Variants in MCM4 observed in about 807,000 individuals in gnomAD.
The protein encoded by MCM4 is minichromosome maintenance complex component 4.
A neutral mutation model predicts 88.7 loss-of-function variants in MCM4; 60 were observed. The observed-to-expected ratio is 0.68, with a 90% CI of 0.55 to 0.84. MCM4 has a LOEUF of 0.84. Ranked by LOEUF, MCM4 falls within the 40% of genes least tolerant of loss-of-function variation. The pLI, the probability that MCM4 is intolerant of heterozygous loss-of-function variation, is 0.00. For synonymous variants in MCM4, 465 were observed against 410.5 expected (o/e 1.13, Z -1.61); for missense variants, 1,149 against 1,105.5 (o/e 1.04, Z -0.56).
In MCM4 at chr8:47,964,647, A is replaced by C. The variant is rs776535379; in HGVS notation, c.767A>C (p.His256Pro). ...CGTTACCCTGACTCAATCTTAGAAC[A>C]TCAGATTCAAGTAAGACCATTCAAC... is the stretch of plus-strand genomic sequence containing the variant. ...FDRYPDSILE[H>P]QIQVRPFNAL... is the part of the protein sequence containing the mutation. Residue 256 changes from histidine (H) to proline (P), a missense_variant, in exon 8 of 17, where the codon CAT (histidine) becomes CCT (proline). His to Pro is a moderately conservative substitution (Grantham distance 77). Coordinates refer to ENST00000649973, the MANE Select transcript of MCM4 (RefSeq NM_182746.3). The C allele has an allele frequency of 6.2e-7, 1 of 1,607,520 alleles. No individual in the cohort carries two copies. The highest frequency in any genetic ancestry group is 1.1e-5 in the South Asian group (1 of 89,516).
Position 47,971,460 on chromosome 8 carries a change from ATT to A in MCM4, c.1921_1922del (p.Leu641IlefsTer4). Reference sequence around the variant, plus strand: ...AAAACATCCAGCTGCCTCATACTTTATTATCAAGGTATTAAAACAGATTTTTA... The same window carrying A: ...AAAACATCCAGCTGCCTCATACTTTAATCAAGGTATTAAAACAGATTTTTA... ...IENIQLPHTLLSRFDLIFLLL... is the reference protein window; with the variant it reads ...IENIQLPHTLXSRFDLIFLLL... On this transcript the variant is annotated frameshift_variant, in exon 13 of 17. Coordinates refer to ENST00000649973, the MANE Select transcript of MCM4 (RefSeq NM_182746.3). LOFTEE classifies it high-confidence loss of function. 6.2e-7 allele frequency: 1 copy of A among 1,614,020 alleles called. No homozygotes were observed. Among genetic ancestry groups the A allele is most frequent in the Non-Finnish European group, 8.5e-7 (1 of 1,179,892 alleles).
chr8:47,961,734 A>ATCTGC (rs1251065694), intron 3 of MCM4, 54 bp downstream of exon 3: 59 of 1,550,402 alleles, frequency 3.8e-5, no homozygotes, highest in Non-Finnish European at 4.6e-5. Context: ...CTGATGCTTT[A>ATCTGC]TCTGCTCAGG....
intron 16 of MCM4, 99 bp downstream of exon 16, chr8:47,975,947 G>A (rs2090997286): frequency 1.2e-6 from 1 of 845,826 alleles, no homozygotes; most frequent in Non-Finnish European, 1.6e-6. Context: ...AATAAATATA[G>A]AGAAGAATGA....
At chr8:47,961,951 T>TA in intron 3 of MCM4, 102 bp from the exon 4 acceptor site, 1 of 1,145,394 alleles carries the variant, frequency 8.7e-7, no homozygotes, top group Non-Finnish European at 1.3e-6. Context: ...TTGCAATAAA[T>TA]ATTCAGTTTG....
Position 47,964,560 on chromosome 8 carries a change from A to G in MCM4, c.694-14A>G, listed in dbSNP as rs755163661. The G allele has an allele frequency of 5.7e-6, 9 of 1,575,922 alleles. No homozygotes were observed. Among genetic ancestry groups the G allele is most frequent in the Non-Finnish European group, 7.7e-6 (9 of 1,165,124 alleles). ...GATATGAATACAAATACATCTTCATATTTGTTTTTACAGGAAGTTATTCCA... is the reference window on the plus strand; with the variant it reads ...GATATGAATACAAATACATCTTCATGTTTGTTTTTACAGGAAGTTATTCCA... On this transcript the variant is annotated splice_polypyrimidine_tract_variant and intron_variant, in intron 7 of 16. Coordinates refer to ENST00000649973, the MANE Select transcript of MCM4 (RefSeq NM_182746.3).
Position 47,977,481 on chromosome 8 carries a change from G to A in MCM4, c.*703G>A, listed in dbSNP as rs957371984. 1.3e-5 allele frequency: 2 copies of A among 152,198 alleles called. No homozygotes were observed. The highest frequency in any genetic ancestry group is 4.8e-5 in the African/African-American group (2 of 41,436). 9.4% of individuals were successfully genotyped at this position (152,198 alleles called of 1,614,324 possible). ...CTGGGCATATCACCTCATTGGTAAA[G>A]GGCTAGAGCCTTTCTTTTTTATGGC... On this transcript the variant is annotated 3_prime_UTR_variant, in exon 17 of 17. Coordinates refer to ENST00000649973, the MANE Select transcript of MCM4 (RefSeq NM_182746.3).
intron 10 of MCM4, chr8:47,969,373 C>G (rs577715273): frequency 2.8e-4 from 47 of 168,912 alleles, no homozygotes; most frequent in Non-Finnish European, 4.9e-4. Context: ...ATTCTCCTGC[C>G]TCAGCCTCCC....
chr8:47,962,167 A>C lies in MCM4; in HGVS notation c.350A>C (p.Asp117Ala). ...VRGTPVRQRP[D>A]LGSAQKGLQV... is the part of the protein sequence containing the mutation. ...GGCACACCTGTGAGACAGAGGCCTG[A>C]CCTGGGCTCTGCACAGAAGGGCCTG... The change falls in exon 4 of 17, where the codon GAC becomes GCC. Residue 117 changes from aspartate (D) to alanine (A), a missense_variant. By Grantham distance (126) the Asp-to-Ala change is moderately radical. Around this residue, in one of 3 missense-constraint regions of MCM4, gnomAD observed 906 missense variants for 843.0 expected, o/e 1.07. Transcript: ENST00000649973. 1 of 1,614,206 alleles carries C rather than the reference A, an allele frequency of 6.2e-7. No homozygotes were observed. The highest frequency in any genetic ancestry group is 8.5e-7 in the Non-Finnish European group (1 of 1,180,048).
chr8:47,961,439 G>A, intron 2 of MCM4, 77 bp from the exon 3 acceptor site: 1 of 1,609,600 alleles, frequency 6.2e-7, no homozygotes, highest in Non-Finnish European at 8.5e-7. Flanking sequence ...GAGTCATAAT[G>A]CCCCAAGGAA....
Position 47,961,202 on chromosome 8 carries a change from C to A in MCM4, c.58C>A (p.Pro20Thr). The A allele has an allele frequency of 6.6e-7, 1 of 1,525,324 alleles. No individual in the cohort carries two copies. Among genetic ancestry groups the A allele is most frequent in the East Asian group, 2.7e-5 (1 of 37,398 alleles). The allele number at this position is 1,525,324 out of a possible 1,614,324, so 94.5% of individuals were successfully genotyped here. A position where few individuals can be genotyped will look rare whatever the true frequency, so the allele number is the denominator to read the frequency against. ...CGGCAGCCGGCGTGGAAGGGCCACC[C>A]CCGCCCAGACGCGTGAGTCCCCCGA... ...RRGSRRGRATPAQTPRSEDAR... is the reference protein window; with the variant it reads ...RRGSRRGRATTAQTPRSEDAR... The change falls in exon 2 of 17, where the codon CCC becomes ACC. Residue 20 changes from proline to threonine, a missense_variant. Pro to Thr is a conservative substitution (Grantham distance 38, BLOSUM62 -1). Around this residue, in one of 3 missense-constraint regions of MCM4, gnomAD observed 906 missense variants for 843.0 expected, o/e 1.07. Transcript: ENST00000649973.
intron 10 of MCM4, 57 bp from the exon 11 acceptor site, chr8:47,969,741 A>G: frequency 1.9e-6 from 3 of 1,593,966 alleles, no homozygotes; most frequent in Non-Finnish European, 2.6e-6. Context: ...CTGGTTGCTG[A>G]GCCACTCGGA....
At position 47,967,343 on chromosome 8, in the gene MCM4, TTC is replaced by T. The variant is rs755273616; in HGVS notation, c.1054-18_1054-17del. On this transcript the variant is annotated intron_variant, in intron 9 of 16. Transcript: ENST00000649973. ...CTGCCCTCTCTTTGTGGCCCACATG[TTC>T]TCTGTTTGCTGACCTTCAGATCAAG... The T allele has an allele frequency of 5.6e-6, 9 of 1,613,832 alleles. No individual in the cohort carries two copies. The highest frequency in any genetic ancestry group is 5.3e-5 in the African/African-American group (4 of 74,954).
At chr8:47,974,054 G>A (rs144995282) in intron 14 of MCM4, 129 of 152,224 alleles carry the variant, frequency 8.5e-4, no homozygotes, top group African/African-American at 3.0e-3. Context: ...TGTCTTTTAG[G>A]TTCACTTTTC....
chr8:47,970,192 C>T (rs1352093717), intron 11 of MCM4, 135 bp downstream of exon 11: 14 of 1,007,386 alleles, frequency 1.4e-5, no homozygotes, highest in Non-Finnish European at 2.1e-5. Flanking sequence ...TGCTGGCAAC[C>T]TGACTTGCCA....
rs200218998 is a variant in MCM4 at position 47,967,384 on chromosome 8, C to T, written c.1073C>T (p.Pro358Leu). ...DKQMIKLQES[P>L]EDMPAGQTPH... ...CTTCAGATCAAGCTTCAGGAGTCTC[C>T]GGAAGACATGCCTGCAGGGCAGACA... Residue 358 changes from proline (P) to leucine (L), a missense_variant, in exon 10 of 17, where the codon CCG becomes CTG. Transcript: ENST00000649973. The T allele has an allele frequency of 3.9e-5, 63 of 1,614,056 alleles. No homozygotes were observed. The highest frequency in any genetic ancestry group is 5.2e-5 in the Non-Finnish European group (61 of 1,180,036).
At chr8:47,963,419 C>T (rs1174393610) in intron 7 of MCM4, among the ~76,000 whole-genome samples, 1 of 151,886 alleles carries the variant, frequency 6.6e-6, no homozygotes, top group East Asian at 1.9e-4. Context: ...CACCACTGCT[C>T]TCCAGCCTGG....
At chr8:47,976,608 A>T in intron 16 of MCM4, 78 bp from the exon 17 acceptor site, 1 of 1,037,986 alleles carries the variant, frequency 9.6e-7, no homozygotes, top group South Asian at 1.3e-5. Flanking sequence ...GTACTTTAAC[A>T]TTATAATTAT....
chr8:47,964,612 C>T lies in MCM4; in HGVS notation c.732C>T (p.Ile244=). 6.3e-7 allele frequency: 1 copy of T among 1,599,848 alleles called. No individual in the cohort carries two copies. The change falls in exon 8 of 17, where the codon ATC becomes ATT. Residue 244 remains isoleucine, a synonymous_variant. Coordinates refer to ENST00000649973, the MANE Select transcript of MCM4 (RefSeq NM_182746.3). ...CTTTTGACATGGCTGTCAATGAAAT[C>T]TTCTTTGACCGTTACCCTGACTCAA... ...IPTFDMAVNE[I]FFDRYPDSIL... is the part of the protein sequence containing the mutation.
At chr8:47,964,915 T>A (rs1340009558) in intron 8 of MCM4, among the ~76,000 whole-genome samples, 2 of 152,238 alleles carry the variant, frequency 1.3e-5, no homozygotes, top group Non-Finnish European at 2.9e-5. Context: ...AAGTTTCTGA[T>A]ATAAGAGATG....
Sources: gnomAD v4.1 joint callset for allele counts (sites outside exome capture counted in the v4.1 genomes callset) on GRCh38, gnomAD v4.1.1 for gene constraint, gnomAD v4.1.1 regional missense constraint, MANE v1.5 for transcripts, NCBI Gene and HGNC (gene_info 2026-07-23, HGNC 2026-07-21) for gene names.